MAGI2: variants seen among roughly 807,000 people sequenced by gnomAD.
MAGI2 encodes the protein membrane associated guanylate kinase, WW and PDZ domain containing 2, also known as membrane-associated guanylate kinase, WW and PDZ domain-containing protein 2.
Under a neutral mutation model 133.3 loss-of-function variants are expected in MAGI2, and 35 were observed. That is an observed-to-expected ratio of 0.26 (90% CI 0.20 to 0.35). The LOEUF is 0.35. MAGI2 is among the 10% of genes least tolerant of loss of function. The probability of loss-of-function intolerance (pLI) is 1.00; values close to 1 mark genes in which losing one functional copy is unlikely to be tolerated. For missense variants in MAGI2, 1,636 were observed against 1,863.4 expected, an observed-to-expected ratio of 0.88 and a Z score of 2.25; for synonymous variants, 729 against 710.6, an observed-to-expected ratio of 1.03 and a Z score of -0.41.
chr7:79,049,172 T>C (rs1025429277), intron 1 of MAGI2, among the ~76,000 whole-genome samples: 1 of 152,132 alleles, frequency 6.6e-6, no homozygotes, highest in Non-Finnish European at 1.5e-5. Flanking sequence ...TGTGGATAAA[T>C]GGAAAATTTG....
intron 2 of MAGI2, among the ~76,000 whole-genome samples, chr7:78,933,172 A>G (rs551084948): frequency 6.6e-6 from 1 of 152,086 alleles, no homozygotes; most frequent in Admixed American, 6.6e-5. Flanking sequence ...TGACTGGAAG[A>G]TTTTGTTATT....
At chr7:78,913,195 G>A (rs1454183491) in intron 2 of MAGI2, among the ~76,000 whole-genome samples, 1 of 152,126 alleles carries the variant, frequency 6.6e-6, no homozygotes, top group African/African-American at 2.4e-5. Flanking sequence ...CAAATCTCAT[G>A]TTGAATTATA....
At chr7:78,489,119 T>C (rs1157100378) in intron 6 of MAGI2, among the ~76,000 whole-genome samples, 1 of 152,070 alleles carries the variant, frequency 6.6e-6, no homozygotes, top group African/African-American at 2.4e-5. Flanking sequence ...AGTAACAGAC[T>C]TCACCCACAT....
intron 2 of MAGI2, among the ~76,000 whole-genome samples, chr7:78,647,427 A>C (rs1448360422): frequency 6.6e-6 from 1 of 152,192 alleles, no homozygotes; most frequent in Non-Finnish European, 1.5e-5. Context: ...GAGAAATGCA[A>C]ATCAAAACCA....
chr7:78,340,154 G>C (rs532269752), intron 9 of MAGI2, among the ~76,000 whole-genome samples: 1 of 152,094 alleles, frequency 6.6e-6, no homozygotes. Context: ...AACTGATTGA[G>C]TTTATAAAGT....
intron 13 of MAGI2, among the ~76,000 whole-genome samples, chr7:78,182,068 C>T (rs942236476): frequency 1.7e-4 from 26 of 152,102 alleles, no homozygotes; most frequent in Admixed American, 2.6e-4. Flanking sequence ...TACTTGAATC[C>T]CCTTTCATGT....
chr7:79,080,042 G>A (rs1303246492), intron 1 of MAGI2, among the ~76,000 whole-genome samples: 1 of 152,042 alleles, frequency 6.6e-6, no homozygotes, highest in Non-Finnish European at 1.5e-5. Context: ...GTTAGCTGTA[G>A]ACTGAGATCT....
At chr7:78,392,532 T>C (rs1795989612) in intron 6 of MAGI2, among the ~76,000 whole-genome samples, 1 of 152,202 alleles carries the variant, frequency 6.6e-6, no homozygotes, top group Non-Finnish European at 1.5e-5. Flanking sequence ...TTTTGGATAC[T>C]AGGTTGAAGA....
intron 2 of MAGI2, among the ~76,000 whole-genome samples, chr7:78,936,553 T>C (rs1443206331): frequency 6.6e-6 from 1 of 152,020 alleles, no homozygotes; most frequent in Non-Finnish European, 1.5e-5. Context: ...GCTATATATT[T>C]TGATGCCAAC....
chr7:78,820,670 G>A (rs1006234651), intron 2 of MAGI2, among the ~76,000 whole-genome samples: 1 of 151,868 alleles, frequency 6.6e-6, no homozygotes, highest in African/African-American at 2.4e-5. Context: ...CTTGACCAAA[G>A]TTTTCCCAAA....
chr7:79,187,797 A>G (rs926217284), intron 1 of MAGI2, among the ~76,000 whole-genome samples: 2 of 151,896 alleles, frequency 1.3e-5, no homozygotes, highest in African/African-American at 4.8e-5. Flanking sequence ...ATATTTTGTC[A>G]TTTTACTTAT....
intron 6 of MAGI2, among the ~76,000 whole-genome samples, chr7:78,459,452 A>C (rs967647300): frequency 6.6e-6 from 1 of 152,214 alleles, no homozygotes; most frequent in South Asian, 2.1e-4. Context: ...ATAAATGCAG[A>C]GGCTGAATAT....
chr7:78,321,623 G>A (rs1032811519), intron 9 of MAGI2, among the ~76,000 whole-genome samples: 1 of 152,130 alleles, frequency 6.6e-6, no homozygotes, highest in Non-Finnish European at 1.5e-5. Context: ...ATTAACTCAA[G>A]ATGGATTGAA....
chr7:78,281,339 G>T (rs976238980), intron 9 of MAGI2, among the ~76,000 whole-genome samples: 1 of 152,108 alleles, frequency 6.6e-6, no homozygotes, highest in East Asian at 1.9e-4. Context: ...GAGATCAGGT[G>T]GATGTAATTA....
chr7:78,861,819 A>G (rs1231246485), intron 2 of MAGI2, among the ~76,000 whole-genome samples: 1 of 152,214 alleles, frequency 6.6e-6, no homozygotes, highest in African/African-American at 2.4e-5. Context: ...ATTAAATAGC[A>G]TTGCTTTTCA....
chr7:78,232,390 A>G (rs752645670), intron 10 of MAGI2, among the ~76,000 whole-genome samples: 3 of 152,228 alleles, frequency 2.0e-5, no homozygotes, highest in Non-Finnish European at 2.9e-5. Flanking sequence ...ACATAAAAAC[A>G]TAATACTAAA....
At chr7:78,583,132 A>C (rs1171741322) in intron 3 of MAGI2, among the ~76,000 whole-genome samples, 3 of 152,182 alleles carry the variant, frequency 2.0e-5, no homozygotes, top group African/African-American at 7.2e-5. Flanking sequence ...CCTTGAGATG[A>C]CTTGCTAACA....
chr7:78,270,635 T>C (rs1313236949), intron 9 of MAGI2, among the ~76,000 whole-genome samples: 2 of 152,192 alleles, frequency 1.3e-5, no homozygotes, highest in Non-Finnish European at 2.9e-5. Flanking sequence ...TTTGCTGAAG[T>C]TGCCTATCAG....
chr7:78,982,051 T>C (rs1335752713), intron 2 of MAGI2, among the ~76,000 whole-genome samples: 2 of 151,784 alleles, frequency 1.3e-5, no homozygotes, highest in African/African-American at 4.8e-5. Context: ...TGGTATTCTT[T>C]CCCTGTGAAG....
Sources: gnomAD v4.1 joint callset for allele counts (sites outside exome capture counted in the v4.1 genomes callset) on GRCh38, gnomAD v4.1.1 for gene constraint, MANE v1.5 for transcripts, NCBI Gene and HGNC (gene_info 2026-07-23, HGNC 2026-07-21) for gene names.